The following EFNA5 variants were observed in gnomAD, a reference collection of about 807,000 sequenced individuals.
EFNA5 encodes the protein ephrin A5.
Under a neutral mutation model 22.9 loss-of-function variants are expected in EFNA5, and 5 were observed. The ratio of observed to expected loss-of-function variants is 0.22; its 90% CI spans 0.11 to 0.46. The LOEUF is 0.46. EFNA5 is among the 20% of genes least tolerant of loss of function. The pLI, the probability that EFNA5 is intolerant of heterozygous loss-of-function variation, is 0.99. For missense variants in EFNA5, 237 were observed against 293.3 expected (o/e 0.81, Z 1.40); for synonymous variants, 113 against 112.2 (o/e 1.01, Z -0.04).
chr5:107,591,828 T>A (rs189496564), intron 1 of EFNA5, among the ~76,000 whole-genome samples: 7,813 of 86,598 alleles, frequency 0.09, 1,354 homozygotes, highest in African/African-American at 0.39. Flanking sequence ...CTCAAAAAAA[T>A]ATATATATAT....
chr5:107,572,041 C>T (rs1392077813), intron 1 of EFNA5, among the ~76,000 whole-genome samples: 1 of 152,116 alleles, frequency 6.6e-6, no homozygotes, highest in Non-Finnish European at 1.5e-5. Flanking sequence ...GACAGTCATA[C>T]AGGTGTGGGC....
chr5:107,498,955 A>AGTATGTATGTAT (rs60164431), intron 1 of EFNA5, among the ~76,000 whole-genome samples: 59,803 of 148,330 alleles, frequency 0.4, 12,594 homozygotes, highest in African/African-American at 0.51. Flanking sequence ...TATGTATATA[A>AGTATGTATGTAT]GTATGTATGT....
At chr5:107,396,684 T>A (rs931684146) in intron 2 of EFNA5, among the ~76,000 whole-genome samples, 4 of 152,168 alleles carry the variant, frequency 2.6e-5, no homozygotes. Context: ...CTACCATAGT[T>A]TGACTTGTTA....
intron 1 of EFNA5, among the ~76,000 whole-genome samples, chr5:107,463,217 A>G (rs1749881513): frequency 6.6e-6 from 1 of 152,182 alleles, no homozygotes; most frequent in South Asian, 2.1e-4. Flanking sequence ...AGTAAAATAA[A>G]TATCATATCA....
In EFNA5 at chr5:107,637,932, C is replaced by T. The variant is rs558432051; in HGVS notation, c.125+32557G>A. ...CACTATCTCGGCTAACTGCAAGCTC[C>T]GCCTCCTGGGTTCATGCCATTCTCC... On this transcript the variant is annotated intron_variant, in intron 1 of 4. Transcript: ENST00000333274. 9.9e-3 allele frequency among the ~76,000 whole-genome samples: 1,509 copies of T among 151,682 alleles called. 26 individuals are homozygous for T. Among genetic ancestry groups the T allele is most frequent in the African/African-American group, 0.034 (1,411 of 41,434 alleles).
At chr5:107,451,289 G>C (rs1749552336) in intron 1 of EFNA5, among the ~76,000 whole-genome samples, 1 of 152,130 alleles carries the variant, frequency 6.6e-6, no homozygotes, top group Admixed American at 6.5e-5. Flanking sequence ...ATTGCCCATA[G>C]AGCAACTGGA....
intron 1 of EFNA5, among the ~76,000 whole-genome samples, chr5:107,601,858 T>C (rs929179853): frequency 2.0e-5 from 3 of 152,214 alleles, no homozygotes; most frequent in African/African-American, 7.2e-5. Flanking sequence ...TGATGACTCG[T>C]TGAGACAATA....
chr5:107,438,970 G>A (rs1749184729), intron 1 of EFNA5, among the ~76,000 whole-genome samples: 1 of 152,180 alleles, frequency 6.6e-6, no homozygotes, highest in Non-Finnish European at 1.5e-5. Context: ...CAGGTTAAAA[G>A]TTTAGTAACT....
intron 4 of EFNA5, among the ~76,000 whole-genome samples, chr5:107,385,135 T>A (rs1201106110): frequency 6.6e-6 from 1 of 152,162 alleles, no homozygotes; most frequent in African/African-American, 2.4e-5. Context: ...CCAGCAGTTA[T>A]ATGTCCATCA....
chr5:107,407,912 C>A (rs2112397620), intron 2 of EFNA5, among the ~76,000 whole-genome samples: 2 of 152,260 alleles, frequency 1.3e-5, no homozygotes, highest in South Asian at 4.1e-4. Context: ...GAGACACAGT[C>A]TCAATTAAGA....
Position 107,597,122 on chromosome 5 carries a change from G to A in EFNA5, c.125+73367C>T, listed in dbSNP as rs1263516379. 3.9e-5 allele frequency among the ~76,000 whole-genome samples: 6 copies of A among 152,034 alleles called. No homozygotes were observed. In the East Asian group the frequency reaches 5.8e-4, roughly 15 times the overall value. On this transcript the variant is annotated intron_variant, in intron 1 of 4. Coordinates refer to ENST00000333274, the MANE Select transcript of EFNA5 (RefSeq NM_001962.3). ...ACATAAAAACTGTTTTAAGAAATAC[G>A]TCATTTTAAATTTGATTACAATATT...
intron 2 of EFNA5, among the ~76,000 whole-genome samples, chr5:107,390,086 A>G (rs1275403276): frequency 6.6e-6 from 1 of 152,376 alleles, no homozygotes. Context: ...GTAAACTCCT[A>G]ACCCTTACAG....
chr5:107,587,520 G>T (rs949437373), intron 1 of EFNA5, among the ~76,000 whole-genome samples: 1 of 149,682 alleles, frequency 6.7e-6, no homozygotes, highest in African/African-American at 2.5e-5. Flanking sequence ...TATAGTTTTT[G>T]TTGTTGTTGT....
At chr5:107,625,049 T>G (rs940665582) in intron 1 of EFNA5, among the ~76,000 whole-genome samples, 2 of 152,142 alleles carry the variant, frequency 1.3e-5, no homozygotes, top group Non-Finnish European at 2.9e-5. Flanking sequence ...ATTCAAAATG[T>G]GAACATGTAA....
At chr5:107,591,395 A>G (rs1749321554) in intron 1 of EFNA5, among the ~76,000 whole-genome samples, 1 of 152,032 alleles carries the variant, frequency 6.6e-6, no homozygotes, top group African/African-American at 2.4e-5. Flanking sequence ...CCAGCTGACC[A>G]CAGTCCCCAC....
intron 1 of EFNA5, among the ~76,000 whole-genome samples, chr5:107,588,497 C>G (rs1307301226): frequency 6.6e-6 from 1 of 152,324 alleles, no homozygotes; most frequent in East Asian, 1.9e-4. Flanking sequence ...TCAGGCCATC[C>G]TGTTCATAGA....
chr5:107,426,797 G>T (rs1748820539), intron 2 of EFNA5, among the ~76,000 whole-genome samples: 1 of 152,166 alleles, frequency 6.6e-6, no homozygotes, highest in African/African-American at 2.4e-5. Flanking sequence ...CAGGAGTTTT[G>T]GCTTCCTCCA....
At chr5:107,509,149 G>A (rs1331267544) in intron 1 of EFNA5, among the ~76,000 whole-genome samples, 3 of 152,158 alleles carry the variant, frequency 2.0e-5, no homozygotes, top group South Asian at 4.1e-4. Context: ...TGACATGTTA[G>A]TAGTCTCTAA....
intron 2 of EFNA5, among the ~76,000 whole-genome samples, chr5:107,400,238 G>A (rs1350374285): frequency 6.6e-6 from 1 of 151,474 alleles, no homozygotes; most frequent in Non-Finnish European, 1.5e-5. Flanking sequence ...AAACATATAA[G>A]CTAATCTGAA....
Sources: gnomAD v4.1 joint callset for allele counts (sites outside exome capture counted in the v4.1 genomes callset) on GRCh38, gnomAD v4.1.1 for gene constraint, MANE v1.5 for transcripts, NCBI Gene and HGNC (gene_info 2026-07-23, HGNC 2026-07-21) for gene names.